Variants in HACD2 observed in about 807,000 individuals in gnomAD.
HACD2 encodes very-long-chain (3R)-3-hydroxyacyl-CoA dehydratase 2.
A neutral mutation model predicts 31.0 loss-of-function variants in HACD2; 15 were observed. That is an observed-to-expected ratio of 0.48 (90% confidence interval 0.32 to 0.75). The LOEUF (loss-of-function observed/expected upper bound fraction) is 0.75, where lower values mean the gene tolerates loss of function less well. Among genes scored for constraint, HACD2 ranks in the 30% least tolerant of loss-of-function variants. The pLI, the probability that HACD2 is intolerant of heterozygous loss-of-function variation, is 0.03. For missense variants in HACD2, 283 were observed against 313.0 expected (o/e 0.90, Z 0.72); for synonymous variants, 115 against 122.2 (o/e 0.94, Z 0.39).
At chr3:123,551,092 G>A (rs2056614844) in intron 3 of HACD2, among the ~76,000 whole-genome samples, 1 of 152,172 alleles carries the variant, frequency 6.6e-6, no homozygotes, top group Non-Finnish European at 1.5e-5. Context: ...CGTACTCTGT[G>A]AGGACAGAGG....
intron 2 of HACD2, among the ~76,000 whole-genome samples, chr3:123,571,104 T>C (rs990338845): frequency 4.6e-5 from 7 of 152,230 alleles, no homozygotes; most frequent in African/African-American, 1.7e-4. Flanking sequence ...CTGAAATCCT[T>C]TTCAACTAAA....
intron 2 of HACD2, among the ~76,000 whole-genome samples, chr3:123,576,249 C>T (rs2056906517): frequency 6.8e-6 from 1 of 146,972 alleles, no homozygotes; most frequent in Non-Finnish European, 1.5e-5. Flanking sequence ...ATTTTTAGTT[C>T]TTTTTTTTTT....
chr3:123,521,106 T>C lies in HACD2; in HGVS notation c.381+7280A>G, dbSNP rs111871670. Among the ~76,000 whole-genome samples the C allele has an allele frequency of 4.2e-3, 638 of 152,274 alleles. 3 individuals carry two copies. Among genetic ancestry groups the C allele is most frequent in the African/African-American group, 0.015 (605 of 41,548 alleles). ...TATGTTAAGATACCACCCGACAGTA[T>C]AGACACATCTTATGCTTGAAGAGAA... is the stretch of plus-strand genomic sequence containing the variant. On this transcript the variant is annotated intron_variant, in intron 4 of 6. Transcript: ENST00000383657.
chr3:123,503,190 G>A (rs893184967), intron 4 of HACD2, among the ~76,000 whole-genome samples: 9 of 151,774 alleles, frequency 5.9e-5, no homozygotes, highest in African/African-American at 9.7e-5. Context: ...GCTTGAACCC[G>A]GGAGGCGGAG....
intron 2 of HACD2, among the ~76,000 whole-genome samples, chr3:123,573,158 T>C (rs149090490): frequency 1.6e-4 from 25 of 152,338 alleles, no homozygotes; most frequent in Admixed American, 5.9e-4. Context: ...GGAATTATCA[T>C]ATTCTACACA....
At chr3:123,538,899 C>T (rs903432863) in intron 3 of HACD2, among the ~76,000 whole-genome samples, 8 of 152,100 alleles carry the variant, frequency 5.3e-5, no homozygotes, top group South Asian at 2.1e-4. Context: ...GAAGGAAGAA[C>T]GAACACTTTC....
chr3:123,528,550 C>G (rs577012876), intron 3 of HACD2, 76 bp from the exon 4 acceptor site: 1 of 921,178 alleles, frequency 1.1e-6, no homozygotes, highest in African/African-American at 1.6e-5. Flanking sequence ...CTAAAACATT[C>G]CAACTTAAAT....
At chr3:123,518,995 T>TAAAAAAAAAAAAAAAA (rs67571643) in intron 4 of HACD2, among the ~76,000 whole-genome samples, 1 of 42,482 alleles carries the variant, frequency 2.4e-5, no homozygotes, top group African/African-American at 7.9e-5. Context: ...AGACTCCAAC[T>TAAAAAAAAAAAAAAAA]AAAAAAAAAA....
chr3:123,560,302 C>T (rs993628272), intron 3 of HACD2, among the ~76,000 whole-genome samples: 1 of 152,152 alleles, frequency 6.6e-6, no homozygotes, highest in African/African-American at 2.4e-5. Context: ...TTGAATATGA[C>T]CACTTATGGT....
At chr3:123,544,362 G>T (rs1220854016) in intron 3 of HACD2, among the ~76,000 whole-genome samples, 1 of 152,148 alleles carries the variant, frequency 6.6e-6, no homozygotes, top group Non-Finnish European at 1.5e-5. Context: ...ATAGGCAAAT[G>T]AATGTTCAGG....
At chr3:123,547,036 T>C (rs928695410) in intron 3 of HACD2, among the ~76,000 whole-genome samples, 2 of 152,198 alleles carry the variant, frequency 1.3e-5, no homozygotes, top group African/African-American at 4.8e-5. Flanking sequence ...TTTTGACATG[T>C]AGTATTCATG....
chr3:123,507,695 A>G (rs1405599561), intron 4 of HACD2, among the ~76,000 whole-genome samples: 1 of 152,192 alleles, frequency 6.6e-6, no homozygotes, highest in Admixed American at 6.5e-5. Flanking sequence ...TGCACCCCAT[A>G]AATACAGATA....
chr3:123,548,997 G>A (rs766397721), intron 3 of HACD2, among the ~76,000 whole-genome samples: 12 of 148,506 alleles, frequency 8.1e-5, no homozygotes, highest in Non-Finnish European at 1.6e-4. Context: ...TCGTATGTTT[G>A]TTCACTCTCT....
intron 2 of HACD2, among the ~76,000 whole-genome samples, chr3:123,570,794 T>TAA (rs58342104): frequency 1.3e-5 from 2 of 152,054 alleles, no homozygotes; most frequent in African/African-American, 4.8e-5. Flanking sequence ...GAATTAGATG[T>TAA]AAAAAAACTG....
intron 3 of HACD2, among the ~76,000 whole-genome samples, chr3:123,535,703 C>A (rs879898729): frequency 6.6e-6 from 1 of 152,172 alleles, no homozygotes; most frequent in Non-Finnish European, 1.5e-5. Context: ...TAGCAGCCAC[C>A]TCATCCATGC....
Position 123,564,183 on chromosome 3 carries a change from G to A in HACD2, c.292+3579C>T, listed in dbSNP as rs115095870. On this transcript the variant is annotated intron_variant, in intron 3 of 6. Transcript: ENST00000383657. ...GAACGAGTCTGGGAGTGTGGGTCAT[G>A]CTGAGGAGGTGCCTGTGTGCACCCA... Among the ~76,000 whole-genome samples the A allele has an allele frequency of 9.1e-3, 1,390 of 152,346 alleles. 19 individuals carry two copies. Among genetic ancestry groups the A allele is most frequent in the African/African-American group, 0.028 (1,179 of 41,580 alleles).
At chr3:123,534,077 C>G (rs146074515) in intron 3 of HACD2, among the ~76,000 whole-genome samples, 6 of 151,736 alleles carry the variant, frequency 4.0e-5, no homozygotes, top group South Asian at 2.1e-4. Flanking sequence ...TAAAGGGGAT[C>G]TGGCAATTGG....
intron 3 of HACD2, among the ~76,000 whole-genome samples, chr3:123,566,360 C>T (rs986126570): frequency 6.6e-6 from 1 of 152,030 alleles, no homozygotes; most frequent in East Asian, 2.0e-4. Flanking sequence ...TCGTGGCTCA[C>T]TGAAGCCTCA....
intron 3 of HACD2, among the ~76,000 whole-genome samples, chr3:123,564,411 G>C (rs929978038): frequency 1.3e-5 from 2 of 152,204 alleles, no homozygotes; most frequent in Non-Finnish European, 2.9e-5. Context: ...AGCACCCAAA[G>C]AAAGAAAAGG....
Sources: allele counts gnomAD v4.1 joint callset (sites outside exome capture counted in the v4.1 genomes callset), GRCh38; gene constraint gnomAD v4.1.1; transcripts MANE v1.5; gene names NCBI Gene and HGNC (gene_info 2026-07-23, HGNC 2026-07-21).